The following NFIX variants were observed in gnomAD, a reference collection of about 807,000 sequenced individuals.
The protein encoded by NFIX is nuclear factor 1 X-type.
In NFIX, 2 loss-of-function variants were observed where a neutral mutation model predicts 53.3. The ratio of observed to expected loss-of-function variants is 0.04; its 90% CI spans 0.02 to 0.12. The LOEUF (loss-of-function observed/expected upper bound fraction) is 0.12. NFIX is among the 10% of genes least tolerant of loss of function. The pLI is 1.00. For missense variants in NFIX, 310 were observed against 674.5 expected (o/e 0.46, Z 5.99); for synonymous variants, 244 against 289.0 (o/e 0.84, Z 1.58).
rs1436281324 is a variant in NFIX, at chr19:13,025,688, A to C, written c.559+136A>C. 1.0e-6 allele frequency: 1 copy of C among 984,768 alleles called. No homozygotes were observed. The highest frequency in any genetic ancestry group is 1.5e-6 in the Non-Finnish European group (1 of 681,034). The allele number at this position is 984,768 out of a possible 1,614,324, so 61.0% of individuals were successfully genotyped here. Reference sequence around the variant, plus strand: ...TGTATGCCCGTCCTGCGGGGCCTGCAACACGGTTCTATGGGCCCTTTTCCT... The same window carrying C: ...TGTATGCCCGTCCTGCGGGGCCTGCCACACGGTTCTATGGGCCCTTTTCCT... On this transcript the variant is annotated intron_variant, in intron 2 of 10. Coordinates refer to ENST00000592199, the MANE Select transcript of NFIX (RefSeq NM_001365902.3). The surrounding 1 kb of genome is among the most constrained non-coding windows in gnomAD (Gnocchi z 7.5).
chr19:13,077,510 C>T (rs1365596950), intron 6 of NFIX, among the ~76,000 whole-genome samples: 1 of 152,160 alleles, frequency 6.6e-6, no homozygotes. Context: ...CCCCACTGTG[C>T]CAGCTATCAG....
chr19:13,091,283 C>T (rs1464658121), intron 10 of NFIX, among the ~76,000 whole-genome samples: 1 of 151,948 alleles, frequency 6.6e-6, no homozygotes, highest in Admixed American at 6.5e-5. Flanking sequence ...CCTGGGGCCA[C>T]CTCTCATCTC....
At position 13,036,107 on chromosome 19, in the gene NFIX, GC is replaced by G. The variant is rs2030243419; in HGVS notation, c.559+10556del. The stretch of plus-strand genomic sequence containing the variant: ...CCCTGAGATCCCCACCAAGGGGGCT[GC>G]GGCTGGAGGGAGGGGCCCCTGGGAA... On this transcript the variant is annotated intron_variant, in intron 2 of 10. Coordinates refer to ENST00000592199, the MANE Select transcript of NFIX (RefSeq NM_001365902.3). The surrounding 1 kb of genome is among the most constrained non-coding windows in gnomAD (Gnocchi z 4.7). Among the ~76,000 whole-genome samples the G allele has an allele frequency of 6.6e-6, 1 of 152,234 alleles. No individual in the cohort carries two copies. The highest frequency in any genetic ancestry group is 6.5e-5 in the Admixed American group (1 of 15,282).
At chr19:13,004,702 AC>A (rs1489930218) in intron 1 of NFIX, among the ~76,000 whole-genome samples, 2 of 151,418 alleles carry the variant, frequency 1.3e-5, no homozygotes, top group Non-Finnish European at 2.9e-5. Context: ...TGGAAAAACC[AC>A]ATGCCCATCC....
chr19:13,047,500 C>A (rs1401140273), intron 2 of NFIX, among the ~76,000 whole-genome samples: 2 of 152,156 alleles, frequency 1.3e-5, no homozygotes, highest in African/African-American at 4.8e-5. Flanking sequence ...TAGAAAATGT[C>A]GGCTCTGACT....
chr19:13,058,971 C>G (rs1043978117), intron 2 of NFIX, among the ~76,000 whole-genome samples: 28 of 152,272 alleles, frequency 1.8e-4, no homozygotes, highest in Admixed American at 1.6e-3. Context: ...CCGGAGCCAC[C>G]GTCTCACCTT....
rs1480853246 is a variant in NFIX, at chr19:13,011,569, C to T, written c.28-13452C>T. Among the ~76,000 whole-genome samples the T allele has an allele frequency of 3.9e-5, 6 of 152,144 alleles. No homozygotes were observed. Among genetic ancestry groups the T allele is most frequent in the Non-Finnish European group, 8.8e-5 (6 of 68,010 alleles). On this transcript the variant is annotated intron_variant, in intron 1 of 10. Coordinates refer to ENST00000592199, the MANE Select transcript of NFIX (RefSeq NM_001365902.3). The surrounding 1 kb of genome is among the most constrained non-coding windows in gnomAD (Gnocchi z 6.5). ...GGGGTGTGCCGGGACTCCCCAGACG[C>T]TCCACTGCCCAATCATAGCTCTTTG... is the stretch of plus-strand genomic sequence containing the variant.
At position 13,086,890 on chromosome 19, in the gene NFIX, G is replaced by T. The variant is rs781396504; in HGVS notation, c.1255-1099G>T. On this transcript the variant is annotated intron_variant, in intron 8 of 10. Coordinates refer to ENST00000592199, the MANE Select transcript of NFIX (RefSeq NM_001365902.3). ...GAGGCACTGGCTGGAGACATCAAGG[G>T]GATGGGCTCCTCAGGGCTTGCTCAC... Among the ~76,000 whole-genome samples the T allele has an allele frequency of 2.0e-5, 3 of 152,366 alleles. No homozygotes were observed. The East Asian group carries it at 5.8e-4, about 29-fold the overall frequency.
intron 1 of NFIX, 161 bp from the exon 2 acceptor site, chr19:13,024,860 G>T (rs575593918): frequency 2.1e-4 from 276 of 1,313,634 alleles, no homozygotes; most frequent in Non-Finnish European, 2.7e-4. Context: ...TAGAACAATC[G>T]CAAGAGAAAA....
intron 2 of NFIX, among the ~76,000 whole-genome samples, chr19:13,048,700 A>C (rs2015144592): frequency 1.3e-5 from 2 of 150,618 alleles, no homozygotes; most frequent in Non-Finnish European, 2.9e-5. Flanking sequence ...TCTCTGCAAA[A>C]AATAAAAAAT....
chr19:13,080,726 C>T (rs1307208193), intron 7 of NFIX, among the ~76,000 whole-genome samples: 3 of 151,982 alleles, frequency 2.0e-5, no homozygotes, highest in Non-Finnish European at 4.4e-5. Context: ...ACTGGCTGGG[C>T]GCGGTGTCTC....
Position 13,090,231 on chromosome 19 carries a change from G to T in NFIX, c.1403-68G>T. 6 of 1,446,772 alleles carry T rather than the reference G, an allele frequency of 4.1e-6. No homozygotes were observed. The highest frequency in any genetic ancestry group is 2.3e-5 in the South Asian group (2 of 87,694). The allele number at this position is 1,446,772 out of a possible 1,614,324, so 89.6% of individuals were successfully genotyped here. ...AGTCTCTCCCTCTCTCAGCAGCCCC[G>T]AGGGGCAGTGCCCAGGTGGGCCCCA... On this transcript the variant is annotated intron_variant, in intron 9 of 10. Transcript: ENST00000592199. The surrounding 1 kb of genome is among the most constrained non-coding windows in gnomAD (Gnocchi z 6.6).
At position 12,998,940 on chromosome 19, in the gene NFIX, A is replaced by G. The variant is rs542385625; in HGVS notation, c.27+3076A>G. 6.6e-6 allele frequency among the ~76,000 whole-genome samples: 1 copy of G among 152,194 alleles called. No individual in the cohort carries two copies. Among genetic ancestry groups the G allele is most frequent in the East Asian group, 1.9e-4 (1 of 5,170 alleles). ...CCCCAGCGCACACATAAACACTCACAAACCCCTCGAGATGATACAGATAGC... is the reference window on the plus strand; with the variant it reads ...CCCCAGCGCACACATAAACACTCACGAACCCCTCGAGATGATACAGATAGC... On this transcript the variant is annotated intron_variant, in intron 1 of 10. Coordinates refer to ENST00000592199, the MANE Select transcript of NFIX (RefSeq NM_001365902.3). The surrounding 1 kb of genome is among the most constrained non-coding windows in gnomAD (Gnocchi z 4.4).
chr19:13,024,818 G>A (rs1026993725), intron 1 of NFIX: 1 of 1,381,966 alleles, frequency 7.2e-7, no homozygotes, highest in Non-Finnish European at 9.9e-7. Context: ...AGTGGCTGGC[G>A]AAGCTGGTGG....
intron 2 of NFIX, among the ~76,000 whole-genome samples, chr19:13,031,206 AG>A (rs1230188184): frequency 6.6e-6 from 1 of 152,202 alleles, no homozygotes; most frequent in Admixed American, 6.5e-5. Context: ...TACAACATGC[AG>A]GGGGTTTCTC....
chr19:13,092,007 G>A (rs962172149), intron 10 of NFIX, among the ~76,000 whole-genome samples: 1 of 152,196 alleles, frequency 6.6e-6, no homozygotes, highest in African/African-American at 2.4e-5. Context: ...TCCCAGCGGG[G>A]GTCCAGGGCC....
intron 1 of NFIX, among the ~76,000 whole-genome samples, chr19:13,015,732 C>A (rs1310238080): frequency 6.6e-6 from 1 of 152,068 alleles, no homozygotes; most frequent in Non-Finnish European, 1.5e-5. Context: ...GTCTGCTAAA[C>A]CCGCTGCACA....
intron 2 of NFIX, among the ~76,000 whole-genome samples, chr19:13,055,231 C>T (rs967432324): frequency 6.6e-6 from 1 of 151,656 alleles, no homozygotes; most frequent in Non-Finnish European, 1.5e-5. Flanking sequence ...CCCCCCCTCC[C>T]CACTCCTCCC....
Position 13,021,143 on chromosome 19 carries a change from G to A in NFIX, c.28-3878G>A, listed in dbSNP as rs2012940284. Among the ~76,000 whole-genome samples, 1 of 152,096 alleles carries A rather than the reference G, an allele frequency of 6.6e-6. No homozygotes were observed. The highest frequency in any genetic ancestry group is 1.5e-5 in the Non-Finnish European group (1 of 68,024). ...AAGGTAAAATTGTTTCCACAAGGTG[G>A]AGAGGCAGGATTTGGTACCTTATGT... On this transcript the variant is annotated intron_variant, in intron 1 of 10. Transcript: ENST00000592199. The surrounding 1 kb of genome is among the most constrained non-coding windows in gnomAD (Gnocchi z 4.2).
Sources: allele counts gnomAD v4.1 joint callset (sites outside exome capture counted in the v4.1 genomes callset), GRCh38; gene constraint gnomAD v4.1.1; non-coding constraint Gnocchi (gnomAD v3.1); transcripts MANE v1.5; gene names NCBI Gene and HGNC (gene_info 2026-07-23, HGNC 2026-07-21).